PKP4: variants seen among roughly 807,000 people sequenced by gnomAD.
The protein encoded by PKP4 is plakophilin-4.
PKP4 carries 90 observed loss-of-function variants against 145.1 expected under a neutral mutation model. The observed-to-expected ratio is 0.62, with a 90% CI of 0.52 to 0.74. The LOEUF is 0.74. PKP4 is among the 30% of genes least tolerant of loss of function. The pLI, the probability that PKP4 is intolerant of heterozygous loss-of-function variation, is 0.00. For missense variants in PKP4, 1,340 were observed against 1,482.7 expected (o/e 0.90, Z 1.58); for synonymous variants, 563 against 577.2 (o/e 0.98, Z 0.35).
chr2:158,568,327 A>G (rs2047161324), intron 2 of PKP4, among the ~76,000 whole-genome samples: 1 of 152,068 alleles, frequency 6.6e-6, no homozygotes, highest in South Asian at 2.1e-4. Flanking sequence ...AACAAGAGCT[A>G]AACTCCATCT....
At chr2:158,557,594 T>C (rs542146887) in intron 2 of PKP4, among the ~76,000 whole-genome samples, 1 of 152,346 alleles carries the variant, frequency 6.6e-6, no homozygotes, top group South Asian at 2.1e-4. Context: ...ATGCCAAGTT[T>C]TGCCAGATCC....
At chr2:158,619,011 C>T (rs193198400) in intron 4 of PKP4, among the ~76,000 whole-genome samples, 8 of 152,286 alleles carry the variant, frequency 5.3e-5, no homozygotes, top group African/African-American at 1.9e-4. Context: ...TACTTTTTAT[C>T]TGTAGTTTCT....
At chr2:158,498,355 A>G (rs1696051247) in intron 1 of PKP4, among the ~76,000 whole-genome samples, 1 of 152,188 alleles carries the variant, frequency 6.6e-6, no homozygotes, top group South Asian at 2.1e-4. Flanking sequence ...AATGGGGAAA[A>G]TCAAAACCTA....
chr2:158,556,920 C>A (rs1427109268), intron 2 of PKP4, among the ~76,000 whole-genome samples: 3 of 152,112 alleles, frequency 2.0e-5, no homozygotes, highest in Non-Finnish European at 2.9e-5. Context: ...TATCTTGCCC[C>A]CTCCACCTTG....
At position 158,680,571 on chromosome 2, in the gene PKP4, C is replaced by T. The variant is rs879243909; in HGVS notation, c.3473C>T (p.Thr1158Ile). ...TTTCCAGCTTCTACTGATTACTCAA[C>T]ACAGTATGGACTGAAATCGACCACA... is the stretch of plus-strand genomic sequence containing the variant. ...VHFPASTDYS[T>I]QYGLKSTTNY... Residue 1158 changes from threonine (T) to isoleucine (I), a missense_variant, in exon 22 of 22, where the codon ACA becomes ATA. Transcript: ENST00000389759. 1.9e-6 allele frequency: 3 copies of T among 1,614,000 alleles called. No individual in the cohort carries two copies. The highest frequency in any genetic ancestry group is 2.5e-6 in the Non-Finnish European group (3 of 1,179,890).
At chr2:158,530,932 C>G (rs1460802211) in intron 1 of PKP4, among the ~76,000 whole-genome samples, 1 of 151,956 alleles carries the variant, frequency 6.6e-6, no homozygotes, top group East Asian at 1.9e-4. Context: ...GCTCTCTGAC[C>G]CTCCTCCTCT....
At chr2:158,533,578 C>A (rs1574341679) in intron 2 of PKP4, 2 of 548,804 alleles carry the variant, frequency 3.6e-6, no homozygotes, top group East Asian at 4.4e-5. Context: ...GTCTCTCCCA[C>A]ATTGCAGAGT....
At chr2:158,533,422 G>A (rs773952067) in intron 2 of PKP4, 106 bp downstream of exon 2, 29 of 1,321,014 alleles carry the variant, frequency 2.2e-5, no homozygotes, top group Middle Eastern at 1.8e-4. Flanking sequence ...ACGCCTTCAC[G>A]TTTTCTAATT....
chr2:158,538,534 C>CTTTT (rs11346852), intron 2 of PKP4, among the ~76,000 whole-genome samples: 31 of 110,082 alleles, frequency 2.8e-4, no homozygotes, highest in East Asian at 4.8e-4. Flanking sequence ...TCTCTAACCA[C>CTTTT]TTTTTTTTTT....
chr2:158,522,511 G>C (rs1424857549), intron 1 of PKP4, among the ~76,000 whole-genome samples: 1 of 152,114 alleles, frequency 6.6e-6, no homozygotes, highest in Non-Finnish European at 1.5e-5. Flanking sequence ...AATAAAGATT[G>C]TGATGAAAAT....
intron 2 of PKP4, among the ~76,000 whole-genome samples, chr2:158,547,082 A>G (rs1437873551): frequency 1.3e-5 from 2 of 152,168 alleles, no homozygotes; most frequent in African/African-American, 4.8e-5. Context: ...GGGCAGTGGT[A>G]AGTGTAAGAT....
chr2:158,626,918 C>G (rs1231297806), intron 7 of PKP4, among the ~76,000 whole-genome samples: 10 of 152,096 alleles, frequency 6.6e-5, no homozygotes, highest in Non-Finnish European at 1.5e-4. Flanking sequence ...CATTTTGTCA[C>G]TTCTTTTTAT....
chr2:158,674,615 TG>T (rs1174657325), intron 19 of PKP4, among the ~76,000 whole-genome samples: 1 of 152,190 alleles, frequency 6.6e-6, no homozygotes, highest in Non-Finnish European at 1.5e-5. Flanking sequence ...TTGGGAATCC[TG>T]GCAACCATAC....
chr2:158,666,373 C>T, intron 15 of PKP4, 40 bp from the exon 16 acceptor site: 1 of 1,502,700 alleles, frequency 6.7e-7, no homozygotes, highest in Non-Finnish European at 8.9e-7. Flanking sequence ...GAGACTGGAA[C>T]TCTGTTTTAT....
intron 2 of PKP4, among the ~76,000 whole-genome samples, chr2:158,573,898 C>T (rs932493330): frequency 6.6e-6 from 1 of 152,170 alleles, no homozygotes; most frequent in African/African-American, 2.4e-5. Flanking sequence ...AGGGTGTGCC[C>T]ATGGGCAAGG....
intron 4 of PKP4, among the ~76,000 whole-genome samples, chr2:158,616,036 A>G (rs948335160): frequency 2.6e-5 from 4 of 152,208 alleles, no homozygotes; most frequent in African/African-American, 9.7e-5. Context: ...CAACTTTTAA[A>G]TGATATCCTA....
chr2:158,464,178 GTTTGA>G (rs1199029802), intron 1 of PKP4, among the ~76,000 whole-genome samples: 2 of 152,210 alleles, frequency 1.3e-5, no homozygotes, highest in Non-Finnish European at 2.9e-5. Flanking sequence ...TGCTCAGATG[GTTTGA>G]TTTGTCCTCA....
At chr2:158,500,278 G>A (rs1485479271) in intron 1 of PKP4, among the ~76,000 whole-genome samples, 1 of 152,200 alleles carries the variant, frequency 6.6e-6, no homozygotes, top group Non-Finnish European at 1.5e-5. Context: ...AGAGAAAGCA[G>A]TCACCCTGAT....
chr2:158,556,838 C>G (rs2046136126), intron 2 of PKP4, among the ~76,000 whole-genome samples: 1 of 152,188 alleles, frequency 6.6e-6, no homozygotes, highest in African/African-American at 2.4e-5. Flanking sequence ...AGGAGATGAT[C>G]ACGTCAGAGT....
Sources: allele counts gnomAD v4.1 joint callset (sites outside exome capture counted in the v4.1 genomes callset), GRCh38; gene constraint gnomAD v4.1.1; transcripts MANE v1.5; gene names NCBI Gene and HGNC (gene_info 2026-07-23, HGNC 2026-07-21).